The following HTR4 variants were observed in gnomAD, a reference collection of about 807,000 sequenced individuals.
The protein encoded by HTR4 is 5-hydroxytryptamine receptor 4, also known as 5-hydroxytryptamine (serotonin) receptor 4, G protein-coupled.
A neutral mutation model predicts 36.8 loss-of-function variants in HTR4; 16 were observed. The observed-to-expected ratio is 0.43, with a 90% CI of 0.29 to 0.66. The LOEUF (loss-of-function observed/expected upper bound fraction) is 0.66, where lower values mean the gene tolerates loss of function less well. Ranked by LOEUF, HTR4 falls within the 30% of genes least tolerant of loss-of-function variation. The pLI is 0.13. For synonymous variants in HTR4, 189 were observed against 185.1 expected (o/e 1.02, Z -0.17); for missense variants, 438 against 490.9 (o/e 0.89, Z 1.02).
rs527911265 is a variant in HTR4, at chr5:148,490,554, G to T, written c.1077-7261C>A. ...GATGCTTATGATTTTGTAACTCACA[G>T]AATCACAAAAAAAGGGGCTGAGAAC... On this transcript the variant is annotated intron_variant, in intron 6 of 6. Transcript: ENST00000377888. 112 of 1,120,698 alleles carry T rather than the reference G, an allele frequency of 1.0e-4. 2 individuals are homozygous for T. The South Asian group carries it at 2.3e-3, about 23-fold the overall frequency. 69.4% of individuals were successfully genotyped at this position (1,120,698 alleles called of 1,614,324 possible).
intron 2 of HTR4, among the ~76,000 whole-genome samples, chr5:148,614,814 T>A (rs1015310906): frequency 1.3e-5 from 2 of 152,082 alleles, no homozygotes; most frequent in Non-Finnish European, 2.9e-5. Context: ...GAATCTACAA[T>A]GAATTCAAAC....
intron 6 of HTR4, among the ~76,000 whole-genome samples, chr5:148,502,386 G>A (rs192746173): frequency 2.6e-5 from 4 of 152,338 alleles, no homozygotes; most frequent in Non-Finnish European, 4.4e-5. Context: ...CAGGCTAACA[G>A]GTTCTGGAGT....
At chr5:148,584,967 C>G (rs1761295606) in intron 2 of HTR4, among the ~76,000 whole-genome samples, 1 of 152,110 alleles carries the variant, frequency 6.6e-6, no homozygotes, top group African/African-American at 2.4e-5. Flanking sequence ...CTATTAATTA[C>G]TGAGTATCTT....
At chr5:148,565,593 A>AC (rs1231434908) in intron 2 of HTR4, among the ~76,000 whole-genome samples, 24 of 1,598 alleles carry the variant, frequency 0.015, no homozygotes, top group African/African-American at 0.097. Flanking sequence ...CAGTATCTTG[A>AC]TGGGCATAAG....
rs146199007 is a variant in HTR4 at position 148,582,550 on chromosome 5, C to T, written c.27-32288G>A. ...TTTAACTGCCACTTAGATGTGAGAA[C>T]ATGCAGTTTTCTGTTCCTCTGTTAA... On this transcript the variant is annotated intron_variant, in intron 2 of 6. Coordinates refer to ENST00000377888, the MANE Select transcript of HTR4 (RefSeq NM_000870.7). Among the ~76,000 whole-genome samples, 9 of 152,210 alleles carry T rather than the reference C, an allele frequency of 5.9e-5. No individual in the cohort carries two copies. The East Asian group carries it at 1.7e-3, about 29-fold the overall frequency.
intron 6 of HTR4, chr5:148,484,283 C>T (rs1202748986): frequency 1.2e-6 from 2 of 1,613,554 alleles, no homozygotes; most frequent in Middle Eastern, 1.6e-4. Context: ...TCCTTGCAGT[C>T]AAACATCTAA....
chr5:148,456,567 C>A (rs988791566), intron 5 of HTR4, among the ~76,000 whole-genome samples: 4 of 152,194 alleles, frequency 2.6e-5, no homozygotes, highest in Non-Finnish European at 2.9e-5. Context: ...TTACTCCCAC[C>A]TCCTTGACAC....
At chr5:148,646,066 A>G (rs1364275909) in intron 1 of HTR4, 2 of 152,278 alleles carry the variant, frequency 1.3e-5, no homozygotes, top group African/African-American at 4.8e-5. Flanking sequence ...GTTCTCAAAC[A>G]TTAGTATATC....
At chr5:148,501,357 G>A (rs914376932) in intron 6 of HTR4, among the ~76,000 whole-genome samples, 13 of 152,154 alleles carry the variant, frequency 8.5e-5, no homozygotes, top group South Asian at 2.1e-4. Context: ...GCAGACTAAT[G>A]TTAACTATTG....
intron 2 of HTR4, among the ~76,000 whole-genome samples, chr5:148,552,796 G>T (rs1265236292): frequency 6.6e-6 from 1 of 152,182 alleles, no homozygotes; most frequent in Non-Finnish European, 1.5e-5. Context: ...CTAGTCTAGA[G>T]TATGTATTAA....
At chr5:148,542,546 G>A (rs994309381) in intron 4 of HTR4, among the ~76,000 whole-genome samples, 5 of 152,208 alleles carry the variant, frequency 3.3e-5, no homozygotes, top group African/African-American at 1.2e-4. Flanking sequence ...TTTTTGAGCT[G>A]TGCAGAGGAA....
At chr5:148,576,188 G>A (rs988008808) in intron 2 of HTR4, among the ~76,000 whole-genome samples, 9 of 144,628 alleles carry the variant, frequency 6.2e-5, no homozygotes, top group Middle Eastern at 3.7e-3. Context: ...CAGCCACGCC[G>A]AGAGCCAAAT....
At chr5:148,525,379 T>A (rs1305045674) in intron 4 of HTR4, among the ~76,000 whole-genome samples, 2 of 152,364 alleles carry the variant, frequency 1.3e-5, no homozygotes, top group East Asian at 3.9e-4. Flanking sequence ...GGGGCAAGTT[T>A]CTTTCCATTT....
chr5:148,596,254 A>T (rs1250960124), intron 2 of HTR4, among the ~76,000 whole-genome samples: 1 of 152,216 alleles, frequency 6.6e-6, no homozygotes, highest in Admixed American at 6.5e-5. Context: ...GAATGTGTCC[A>T]GGAAATCTAT....
chr5:148,463,248 C>T (rs1755331185), intron 5 of HTR4, among the ~76,000 whole-genome samples: 1 of 134,768 alleles, frequency 7.4e-6, no homozygotes, highest in Non-Finnish European at 1.5e-5. Context: ...TCTTGGCTCA[C>T]TGCAACTTCC....
chr5:148,563,365 CTT>C (rs1760300160), intron 2 of HTR4, among the ~76,000 whole-genome samples: 1 of 152,192 alleles, frequency 6.6e-6, no homozygotes, highest in East Asian at 1.9e-4. Context: ...GCAGAGAGGA[CTT>C]ATTTAAAAAA....
At chr5:148,592,310 T>A (rs554773581) in intron 2 of HTR4, among the ~76,000 whole-genome samples, 1 of 152,184 alleles carries the variant, frequency 6.6e-6, no homozygotes, top group African/African-American at 2.4e-5. Context: ...GGTGATGAAA[T>A]AATCTGTACA....
At chr5:148,493,693 G>C (rs543720436) in intron 6 of HTR4, among the ~76,000 whole-genome samples, 1 of 152,042 alleles carries the variant, frequency 6.6e-6, no homozygotes, top group South Asian at 2.1e-4. Flanking sequence ...AAAAAAGAAA[G>C]GCTTTAAATT....
At chr5:148,625,997 C>T (rs1420106359) in intron 2 of HTR4, among the ~76,000 whole-genome samples, 1 of 151,896 alleles carries the variant, frequency 6.6e-6, no homozygotes, top group Non-Finnish European at 1.5e-5. Flanking sequence ...TCCCCTCTTA[C>T]TAGTGTAGAA....
Sources: gnomAD v4.1 joint callset for allele counts (sites outside exome capture counted in the v4.1 genomes callset) on GRCh38, gnomAD v4.1.1 for gene constraint, MANE v1.5 for transcripts, NCBI Gene and HGNC (gene_info 2026-07-23, HGNC 2026-07-21) for gene names.